GRIK2: variants seen among roughly 807,000 people sequenced by gnomAD.
The protein encoded by GRIK2 is glutamate receptor ionotropic, kainate 2.
GRIK2 carries 32 observed loss-of-function variants against 100.3 expected under a neutral mutation model. The ratio of observed to expected loss-of-function variants is 0.32; its 90% CI spans 0.24 to 0.43. GRIK2 has a LOEUF of 0.43. Among genes scored for constraint, GRIK2 ranks in the 20% least tolerant of loss-of-function variants. The pLI is 1.00. For synonymous variants in GRIK2, 417 were observed against 389.4 expected, an observed-to-expected ratio of 1.07 and a Z score of -0.83; for missense variants, 843 against 1,114.9, an observed-to-expected ratio of 0.76 and a Z score of 3.47.
chr6:101,622,181 T>A (rs981314799), intron 3 of GRIK2, 65 bp downstream of exon 3: 2 of 964,800 alleles, frequency 2.1e-6, no homozygotes, highest in Non-Finnish European at 3.2e-6. Context: ...TCTTAAGAGA[T>A]TTTTTTATTT....
At chr6:101,921,433 T>C (rs1789485781) in intron 12 of GRIK2, among the ~76,000 whole-genome samples, 1 of 152,160 alleles carries the variant, frequency 6.6e-6, no homozygotes, top group East Asian at 1.9e-4. Context: ...AAAATATTAA[T>C]TTGGAGGCCA....
At chr6:101,603,463 G>A (rs556888361) in intron 2 of GRIK2, among the ~76,000 whole-genome samples, 2 of 151,730 alleles carry the variant, frequency 1.3e-5, no homozygotes, top group South Asian at 2.1e-4. Flanking sequence ...TTCATGTGAT[G>A]AGAAAGAAGA....
At chr6:102,020,855 C>A (rs1429512690) in intron 14 of GRIK2, among the ~76,000 whole-genome samples, 2 of 151,608 alleles carry the variant, frequency 1.3e-5, no homozygotes, top group African/African-American at 2.4e-5. Context: ...TCCGAAGGAA[C>A]AATATAACAT....
At chr6:101,424,857 G>T (rs548968141) in intron 2 of GRIK2, among the ~76,000 whole-genome samples, 210 of 151,786 alleles carry the variant, frequency 1.4e-3, no homozygotes, top group African/African-American at 4.6e-3. Flanking sequence ...GAGAATGATG[G>T]TTTCCAGCTT....
intron 11 of GRIK2, among the ~76,000 whole-genome samples, chr6:101,869,214 A>G (rs971835034): frequency 3.9e-5 from 6 of 151,968 alleles, no homozygotes; most frequent in Non-Finnish European, 4.4e-5. Context: ...TTGAAAGCCA[A>G]TTCAATTTAA....
intron 14 of GRIK2, among the ~76,000 whole-genome samples, chr6:101,984,520 TCCG>T (rs1187758440): frequency 6.6e-6 from 1 of 151,436 alleles, no homozygotes; most frequent in Admixed American, 6.6e-5. Context: ...TCTGAAATAC[TCCG>T]CAACAGTTAC....
intron 7 of GRIK2, among the ~76,000 whole-genome samples, chr6:101,778,189 A>G (rs559619143): frequency 9.5e-4 from 145 of 152,310 alleles, no homozygotes; most frequent in African/African-American, 3.3e-3. Context: ...AAAAATATAA[A>G]CAGTTTTATT....
chr6:101,537,758 A>G (rs1775786110), intron 2 of GRIK2, among the ~76,000 whole-genome samples: 1 of 151,780 alleles, frequency 6.6e-6, no homozygotes, highest in Admixed American at 6.6e-5. Context: ...GCAGCTGGAG[A>G]GGAATTCTAA....
At chr6:101,832,348 T>G (rs997363660) in intron 10 of GRIK2, among the ~76,000 whole-genome samples, 3 of 152,160 alleles carry the variant, frequency 2.0e-5, no homozygotes, top group African/African-American at 7.2e-5. Flanking sequence ...CCAAAACTCT[T>G]TTATTTCTCA....
chr6:102,064,009 G>A (rs765798358), intron 16 of GRIK2: 1 of 1,551,690 alleles, frequency 6.4e-7, no homozygotes, highest in South Asian at 1.1e-5. Context: ...ACACTGTTTA[G>A]TAATCTTTTG....
chr6:101,986,859 G>T (rs749790355), intron 14 of GRIK2, among the ~76,000 whole-genome samples: 7 of 151,810 alleles, frequency 4.6e-5, no homozygotes, highest in Non-Finnish European at 1.0e-4. Context: ...TTTAAAACTG[G>T]CCGGGGACAG....
At chr6:101,586,435 C>T (rs1186334237) in intron 2 of GRIK2, among the ~76,000 whole-genome samples, 2 of 152,008 alleles carry the variant, frequency 1.3e-5, no homozygotes, top group African/African-American at 4.8e-5. Flanking sequence ...AATGAAACAC[C>T]TTGGACATCT....
chr6:101,605,336 G>A (rs1328908210), intron 2 of GRIK2, among the ~76,000 whole-genome samples: 1 of 151,930 alleles, frequency 6.6e-6, no homozygotes, highest in Non-Finnish European at 1.5e-5. Context: ...TATGGAAACT[G>A]TTAATTACCA....
intron 15 of GRIK2, among the ~76,000 whole-genome samples, chr6:102,041,811 G>GTGT (rs1554196184): frequency 6.6e-6 from 1 of 150,402 alleles, no homozygotes; most frequent in African/African-American, 2.4e-5. Flanking sequence ...AAAAAAAAAA[G>GTGT]TGTTTTGAAG....
chr6:102,006,810 A>C (rs1795266153), intron 14 of GRIK2, among the ~76,000 whole-genome samples: 1 of 152,234 alleles, frequency 6.6e-6, no homozygotes, highest in Non-Finnish European at 1.5e-5. Context: ...TAATATAATA[A>C]AATCGCAAAT....
At chr6:101,865,293 A>G (rs564085667) in intron 11 of GRIK2, among the ~76,000 whole-genome samples, 59 of 152,302 alleles carry the variant, frequency 3.9e-4, no homozygotes, top group African/African-American at 1.4e-3. Context: ...CTGCCTTGGC[A>G]TTGCAATTGG....
intron 7 of GRIK2, among the ~76,000 whole-genome samples, chr6:101,694,013 A>G (rs764063445): frequency 5.9e-5 from 9 of 152,120 alleles, no homozygotes; most frequent in Non-Finnish European, 1.3e-4. Context: ...AGGACAGTCA[A>G]TGTCAAGGAC....
chr6:101,991,470 TAGA>T (rs1176869658), intron 14 of GRIK2, among the ~76,000 whole-genome samples: 3 of 150,986 alleles, frequency 2.0e-5, no homozygotes, highest in Non-Finnish European at 4.4e-5. Flanking sequence ...CACAAATAAA[TAGA>T]AGTGTTTGTT....
intron 7 of GRIK2, among the ~76,000 whole-genome samples, chr6:101,703,476 A>G (rs1320644312): frequency 1.3e-5 from 2 of 151,888 alleles, no homozygotes; most frequent in Non-Finnish European, 2.9e-5. Flanking sequence ...TTGACACGAA[A>G]GCATTGTTAG....
Sources: allele counts gnomAD v4.1 joint callset (sites outside exome capture counted in the v4.1 genomes callset), GRCh38; gene constraint gnomAD v4.1.1; transcripts MANE v1.5; gene names NCBI Gene and HGNC (gene_info 2026-07-23, HGNC 2026-07-21).